FBXO7: variants seen among roughly 807,000 people sequenced by gnomAD.
FBXO7 encodes the protein F-box protein 7.
FBXO7 carries 31 observed loss-of-function variants against 50.2 expected under a neutral mutation model. The observed-to-expected ratio is 0.62, with a 90% CI of 0.46 to 0.83. The LOEUF (loss-of-function observed/expected upper bound fraction) is 0.83. Among genes scored for constraint, FBXO7 ranks in the 40% least tolerant of loss-of-function variants. The pLI, the probability that FBXO7 is intolerant of heterozygous loss-of-function variation, is 0.00. For synonymous variants in FBXO7, 256 were observed against 253.1 expected (o/e 1.01, Z -0.11); for missense variants, 667 against 646.6 (o/e 1.03, Z -0.34).
chr22:32,492,808 G>T, intron 6 of FBXO7: 2 of 405,920 alleles, frequency 4.9e-6, no homozygotes, highest in South Asian at 2.6e-5. Context: ...AGACAGAAGA[G>T]ACCATTGGCT....
intron 2 of FBXO7, among the ~76,000 whole-genome samples, chr22:32,482,675 A>G (rs950298506): frequency 2.6e-5 from 4 of 152,246 alleles, no homozygotes; most frequent in Admixed American, 6.5e-5. Context: ...TGCCTATTTT[A>G]TAGGATTGTT....
At chr22:32,493,329 G>A in intron 7 of FBXO7, 48 bp downstream of exon 7, 1 of 1,529,200 alleles carries the variant, frequency 6.5e-7, no homozygotes, top group Non-Finnish European at 9.1e-7. Flanking sequence ...TTATTGTCTT[G>A]ATTACTCAGC....
chr22:32,493,055 A>T, intron 6 of FBXO7, 50 bp from the exon 7 acceptor site: 10 of 1,566,522 alleles, frequency 6.4e-6, no homozygotes, highest in Non-Finnish European at 7.9e-6. Flanking sequence ...GGAGAAAGCC[A>T]GATGTTCTTT....
At position 32,491,542 on chromosome 22, in the gene FBXO7, TATATATGTCTATATAGACATATATTTAG is replaced by T. The variant is rs1367018657; in HGVS notation, c.967+368_967+395del. 176 of 174,596 alleles carry T rather than the reference TATATATGTCTATATAGACATATATTTAG, an allele frequency of 1.0e-3. 1 individual carries two copies. Among genetic ancestry groups the T allele is most frequent in the African/African-American group, 4.2e-3 (159 of 38,178 alleles). 10.8% of individuals were successfully genotyped at this position (174,596 alleles called of 1,614,324 possible). On this transcript the variant is annotated intron_variant, in intron 6 of 8. Transcript: ENST00000266087. ...CTCTTTCTCTCTGTGTAGATACATA[TATATATGTCTATATAGACATATATTTAG>T]ATATATATGTCTATATAGACATATA...
chr22:32,480,141 G>A (rs1431785285), intron 2 of FBXO7, among the ~76,000 whole-genome samples: 1 of 151,964 alleles, frequency 6.6e-6, no homozygotes, highest in Non-Finnish European at 1.5e-5. Flanking sequence ...TCTGTTTTCT[G>A]GATTTGCCTT....
intron 5 of FBXO7, chr22:32,489,819 T>A (rs2057522934): frequency 6.6e-6 from 1 of 152,254 alleles, no homozygotes; most frequent in South Asian, 2.1e-4. Context: ...TTAATGAATT[T>A]TTACTGTGGT....
At chr22:32,479,350 C>T in intron 2 of FBXO7, 75 bp downstream of exon 2, 1 of 1,384,612 alleles carries the variant, frequency 7.2e-7, no homozygotes. Flanking sequence ...AATTCTGTTC[C>T]AGTCAGGATA....
Position 32,498,293 on chromosome 22 carries a change from C to G in FBXO7, c.1332C>G (p.Ile444Met), listed in dbSNP as rs755248108. 10 of 1,614,132 alleles carry G rather than the reference C, an allele frequency of 6.2e-6. No homozygotes were observed. The East Asian group carries it at 2.2e-4, about 36-fold the overall frequency. Residue 444 changes from isoleucine to methionine, a missense_variant, in exon 9 of 9, where the codon ATC becomes ATG. Physicochemically the swap from Ile to Met is conservative, Grantham distance 10 (BLOSUM62 1). Coordinates refer to ENST00000266087, the MANE Select transcript of FBXO7 (RefSeq NM_012179.4). ...FPSSRLPPGIIGGEYDQRPTL... is the reference protein window; with the variant it reads ...FPSSRLPPGIMGGEYDQRPTL... ...GCTCCCGCCTTCCTCCAGGAATTATCGGGGGTGAATATGACCAAAGACCAA... is the reference window on the plus strand; with the variant it reads ...GCTCCCGCCTTCCTCCAGGAATTATGGGGGGTGAATATGACCAAAGACCAA...
At chr22:32,478,144 G>C (rs918774241) in intron 1 of FBXO7, 2 of 152,298 alleles carry the variant, frequency 1.3e-5, no homozygotes, top group African/African-American at 4.8e-5. Context: ...TGTGAATAGA[G>C]AACAGTGAGA....
At position 32,493,096 on chromosome 22, in the gene FBXO7, T is replaced by G. The variant is rs774729953; in HGVS notation, c.968-9T>G. ...GTAATACCTGTTACTTCTCTTTTTT[T>G]CCTTTTAGCACTGAACCTACCAGAT... On this transcript the variant is annotated splice_polypyrimidine_tract_variant and intron_variant, in intron 6 of 8. Transcript: ENST00000266087. 3 of 1,614,012 alleles carry G rather than the reference T, an allele frequency of 1.9e-6. No homozygotes were observed. Among genetic ancestry groups the G allele is most frequent in the Non-Finnish European group, 2.5e-6 (3 of 1,179,868 alleles).
At chr22:32,484,991 G>A in intron 3 of FBXO7, 77 bp from the exon 4 acceptor site, 1 of 1,566,408 alleles carries the variant, frequency 6.4e-7, no homozygotes, top group Non-Finnish European at 8.8e-7. Context: ...AACAAGTTAG[G>A]AGTCTTTTGG....
At chr22:32,496,410 A>T (rs2057575024) in intron 8 of FBXO7, among the ~76,000 whole-genome samples, 1 of 152,168 alleles carries the variant, frequency 6.6e-6, no homozygotes, top group Admixed American at 6.5e-5. Context: ...TGAACCCAGG[A>T]GGTGGAGGTT....
chr22:32,483,498 A>G (rs2057478124), intron 2 of FBXO7, among the ~76,000 whole-genome samples: 3 of 152,232 alleles, frequency 2.0e-5, no homozygotes, highest in African/African-American at 7.2e-5. Flanking sequence ...AAGAAGGGAT[A>G]CTTGCAACGG....
chr22:32,486,112 A>C (rs566258201), intron 4 of FBXO7, among the ~76,000 whole-genome samples: 2 of 151,838 alleles, frequency 1.3e-5, no homozygotes, highest in Non-Finnish European at 2.9e-5. Flanking sequence ...TTCTGTAGCT[A>C]CTCCTTTCTG....
rs1464633752 is a variant in FBXO7 at position 32,479,208 on chromosome 22, A to T, written c.350A>T (p.Asp117Val). The change falls in exon 2 of 9, where the codon GAT (aspartate) becomes GTT (valine). Residue 117 changes from aspartate to valine, a missense_variant. Physicochemically the swap from Asp to Val is radical, Grantham distance 152. Transcript: ENST00000266087. ...AGCTCCAATCAGACTAGCATGCAGG[A>T]TGAACAACCAAGTGATTCATTCCAA... ...ATSSNQTSMQ[D>V]EQPSDSFQGQ... 3.7e-6 allele frequency: 6 copies of T among 1,614,102 alleles called. No homozygotes were observed. The highest frequency in any genetic ancestry group is 5.1e-6 in the Non-Finnish European group (6 of 1,180,014).
At chr22:32,496,440 C>T (rs995774933) in intron 8 of FBXO7, among the ~76,000 whole-genome samples, 1 of 152,106 alleles carries the variant, frequency 6.6e-6, no homozygotes, top group Non-Finnish European at 1.5e-5. Context: ...CAAGATCGCT[C>T]CATTGCACTC....
intron 8 of FBXO7, among the ~76,000 whole-genome samples, chr22:32,496,069 G>C (rs1256409570): frequency 6.6e-6 from 1 of 152,214 alleles, no homozygotes; most frequent in East Asian, 1.9e-4. Context: ...CTAGAGAGAA[G>C]TAGTCAGTGC....
chr22:32,488,944 G>A (rs1381118824), intron 5 of FBXO7: 1 of 152,092 alleles, frequency 6.6e-6, no homozygotes, highest in African/African-American at 2.4e-5. Flanking sequence ...CTGAGTAGAT[G>A]GACTACAGGC....
At chr22:32,477,069 A>T (rs201355366) in intron 1 of FBXO7, among the ~76,000 whole-genome samples, 1 of 152,186 alleles carries the variant, frequency 6.6e-6, no homozygotes, top group Non-Finnish European at 1.5e-5. Context: ...TTTTTCTGCC[A>T]AAGTTGGGGT....
Sources: gnomAD v4.1 joint callset for allele counts (sites outside exome capture counted in the v4.1 genomes callset) on GRCh38, gnomAD v4.1.1 for gene constraint, MANE v1.5 for transcripts, NCBI Gene and HGNC (gene_info 2026-07-23, HGNC 2026-07-21) for gene names.